SLC68A1: variants seen among roughly 807,000 people sequenced by gnomAD.
SLC68A1 encodes the protein solute carrier family 68 member 1, also known as major facilitator superfamily domain containing 13A.
the SLC68A1 span, chr10:102,475,654 ACTTGGAGGGCACCAAGG>A: frequency 6.6e-7 from 1 of 1,517,624 alleles, no homozygotes; most frequent in Non-Finnish European, 8.9e-7. Flanking sequence ...CACACCATAG[ACTTGGAGGGCACCAAGG>A]CTTGGAGGAC....
At chr10:102,465,496 T>C in the SLC68A1 span, among the ~76,000 whole-genome samples, 1 of 152,142 alleles carries the variant, frequency 6.6e-6, no homozygotes, top group Non-Finnish European at 1.5e-5. Flanking sequence ...AAATTCCTTT[T>C]GCATTTCAGC....
chr10:102,469,300 C>CA, the SLC68A1 span: 607,066 of 1,199,540 alleles, frequency 0.51, 159,798 homozygotes, highest in Middle Eastern at 0.58. Context: ...CCCACCCAGT[C>CA]AGAGGCCTGG....
chr10:102,475,229 G>A, the SLC68A1 span, among the ~76,000 whole-genome samples: 2 of 152,002 alleles, frequency 1.3e-5, no homozygotes, highest in African/African-American at 2.4e-5. Flanking sequence ...CTGGGAGGCC[G>A]AGGTTGCAGT....
the SLC68A1 span, chr10:102,476,747 C>A: frequency 2.0e-6 from 2 of 986,122 alleles, no homozygotes; most frequent in Non-Finnish European, 2.4e-6. Context: ...TGCACACAGG[C>A]CTGCCATGGG....
At chr10:102,469,038 G>C in the SLC68A1 span, 6 of 1,612,686 alleles carry the variant, frequency 3.7e-6, no homozygotes, top group African/African-American at 8.0e-5. Flanking sequence ...CCATGGGGCT[G>C]GGTCAGCCCC....
the SLC68A1 span, chr10:102,470,607 A>G: frequency 3.2e-6 from 5 of 1,566,232 alleles, no homozygotes; most frequent in African/African-American, 6.8e-5. Context: ...GGGCAAGGGG[A>G]ACTTCAGCCT....
the SLC68A1 span, chr10:102,473,701 G>C: frequency 1.2e-6 from 2 of 1,614,024 alleles, no homozygotes; most frequent in East Asian, 2.2e-5. Context: ...GTTGTTGGCC[G>C]GCCCGGACCA....
chr10:102,471,052 G>A, the SLC68A1 span: 13 of 1,613,690 alleles, frequency 8.1e-6, no homozygotes, highest in African/African-American at 2.7e-5. Context: ...CCACACAGCT[G>A]CTGAGGCGGC....
the SLC68A1 span, chr10:102,470,542 G>T: frequency 6.8e-7 from 1 of 1,465,926 alleles, no homozygotes; most frequent in Non-Finnish European, 9.1e-7. Flanking sequence ...GGGGACAGTG[G>T]CACCACCCTG....
the SLC68A1 span, chr10:102,470,658 C>A: frequency 6.2e-7 from 1 of 1,603,160 alleles, no homozygotes; most frequent in South Asian, 1.1e-5. Flanking sequence ...TCTCCTTTCC[C>A]CGGCAGGTCA....
chr10:102,462,396 A>C, the SLC68A1 span, among the ~76,000 whole-genome samples: 7 of 152,290 alleles, frequency 4.6e-5, no homozygotes, highest in African/African-American at 1.7e-4. Flanking sequence ...TTCACACCTG[A>C]CCCAGGGCTC....
At chr10:102,476,876 A>G in the SLC68A1 span, 1 of 985,128 alleles carries the variant, frequency 1.0e-6, no homozygotes, top group Non-Finnish European at 1.2e-6. Flanking sequence ...TGTAAGTCCC[A>G]CCTCCCACTC....
chr10:102,476,159 C>G, the SLC68A1 span: 1 of 1,187,070 alleles, frequency 8.4e-7, no homozygotes, highest in East Asian at 3.0e-5. Flanking sequence ...AAACCACCAC[C>G]CAGGTTCAAG....
At chr10:102,472,250 A>G in the SLC68A1 span, 5 of 287,944 alleles carry the variant, frequency 1.7e-5, no homozygotes, top group Non-Finnish European at 2.7e-5. Context: ...ATGTTATGAA[A>G]TTTGTTTCAC....
the SLC68A1 span, among the ~76,000 whole-genome samples, chr10:102,473,300 T>G: frequency 2.0e-5 from 3 of 152,136 alleles, no homozygotes. Flanking sequence ...CTGATGGGCC[T>G]GGGTGTGAGT....
the SLC68A1 span, chr10:102,470,204 C>A: frequency 1.2e-6 from 1 of 859,960 alleles, no homozygotes; most frequent in Non-Finnish European, 1.8e-6. Context: ...CATGGCTCTT[C>A]CCTTACTGGG....
the SLC68A1 span, among the ~76,000 whole-genome samples, chr10:102,464,157 C>T: frequency 2.0e-5 from 3 of 152,178 alleles, no homozygotes; most frequent in African/African-American, 7.2e-5. Context: ...AGTGACTGAT[C>T]TTTAAAGATC....
the SLC68A1 span, chr10:102,476,347 C>T: frequency 2.3e-5 from 7 of 308,306 alleles, no homozygotes; most frequent in South Asian, 4.4e-4. Flanking sequence ...GGATTACAGG[C>T]GTGAGCCACT....
chr10:102,473,812 A>G, the SLC68A1 span: 1 of 1,608,550 alleles, frequency 6.2e-7, no homozygotes, highest in Non-Finnish European at 8.5e-7. Context: ...CTCTCCCTCT[A>G]CTGCAGCAAC....
Sources: gnomAD v4.1 joint callset for allele counts (sites outside exome capture counted in the v4.1 genomes callset) on GRCh38, gnomAD v4.1.1 for gene constraint, MANE v1.5 for transcripts, NCBI Gene and HGNC (gene_info 2026-07-23, HGNC 2026-07-21) for gene names.